Variants in METTL15 observed in about 807,000 individuals in gnomAD.
METTL15 encodes methyltransferase 15, mitochondrial 12S rRNA N4-cytidine, also known as 12S rRNA N(4)-cytidine methyltransferase METTL15.
Under a neutral mutation model 38.3 loss-of-function variants are expected in METTL15, and 34 were observed. The ratio of observed to expected loss-of-function variants is 0.89; its 90% CI spans 0.68 to 1.18. The LOEUF (loss-of-function observed/expected upper bound fraction) is 1.18. Among genes scored for constraint, METTL15 ranks in the 50% most tolerant of loss-of-function variants. METTL15 has a pLI of 0.00. For missense variants in METTL15, 438 were observed against 498.4 expected (o/e 0.88, Z 1.15); for synonymous variants, 162 against 170.9 (o/e 0.95, Z 0.41).
chr11:28,247,426 T>G (rs1308592105), intron 4 of METTL15, among the ~76,000 whole-genome samples: 1 of 152,140 alleles, frequency 6.6e-6, no homozygotes, highest in Non-Finnish European at 1.5e-5. Flanking sequence ...TGACTGATTT[T>G]CATAATTCCT....
At chr11:28,245,067 G>GTCTTAAT (rs1360636245) in intron 4 of METTL15, among the ~76,000 whole-genome samples, 1 of 152,164 alleles carries the variant, frequency 6.6e-6, no homozygotes, top group Non-Finnish European at 1.5e-5. Flanking sequence ...GACAGGCAAT[G>GTCTTAAT]TCTTAATTCT....
chr11:28,484,946 A>G (rs1851426515), intron 6 of METTL15, among the ~76,000 whole-genome samples: 1 of 152,130 alleles, frequency 6.6e-6, no homozygotes, highest in Non-Finnish European at 1.5e-5. Flanking sequence ...TGAATCAGGT[A>G]TATCTGATGG....
At chr11:28,355,847 A>G (rs980087051) in intron 4 of METTL15, among the ~76,000 whole-genome samples, 35 of 152,190 alleles carry the variant, frequency 2.3e-4, no homozygotes, top group African/African-American at 8.4e-4. Context: ...ATAAAATAAT[A>G]TATATCATTG....
chr11:28,505,317 C>G (rs1851619534), intron 6 of METTL15, among the ~76,000 whole-genome samples: 2 of 152,190 alleles, frequency 1.3e-5, no homozygotes, highest in South Asian at 2.1e-4. Context: ...GGAAACTCAT[C>G]AAGTAGCTGG....
chr11:28,398,021 T>C (rs539895742), intron 5 of METTL15, among the ~76,000 whole-genome samples: 2 of 151,154 alleles, frequency 1.3e-5, no homozygotes, highest in Non-Finnish European at 2.9e-5. Flanking sequence ...TTCTCACTCA[T>C]AGATGGGAAT....
chr11:28,441,046 A>G (rs1001036270), intron 6 of METTL15, among the ~76,000 whole-genome samples: 1 of 125,034 alleles, frequency 8.0e-6, no homozygotes, highest in Non-Finnish European at 1.6e-5. Flanking sequence ...GTTGGCTTTT[A>G]CTTATGACAC....
At position 28,122,238 on chromosome 11, in the gene METTL15, G is replaced by T. The variant is rs1852273977; in HGVS notation, c.270+8634G>T. On this transcript the variant is annotated intron_variant, in intron 3 of 6. Transcript: ENST00000407364. ...TTATGGATTATATTTTTTATAAAAT[G>T]CTTTGTTCATATCATGTTATAAAAT... The T allele has an allele frequency of 6.1e-6, 7 of 1,147,396 alleles. No homozygotes were observed. In the South Asian group the frequency reaches 9.2e-5, roughly 15 times the overall value. 71.1% of individuals were successfully genotyped at this position (1,147,396 alleles called of 1,614,324 possible).
intron 5 of METTL15, among the ~76,000 whole-genome samples, chr11:28,381,787 T>G (rs545749452): frequency 6.6e-6 from 1 of 152,206 alleles, no homozygotes; most frequent in Non-Finnish European, 1.5e-5. Context: ...TGGAAATCAC[T>G]GAGCTTCCTT....
intron 4 of METTL15, among the ~76,000 whole-genome samples, chr11:28,225,280 T>G (rs1412087135): frequency 6.6e-6 from 1 of 151,842 alleles, no homozygotes; most frequent in African/African-American, 2.4e-5. Flanking sequence ...CTACTAGCCT[T>G]TTTATAATAT....
chr11:28,427,362 T>C (rs1229869357), intron 6 of METTL15, among the ~76,000 whole-genome samples: 1 of 152,182 alleles, frequency 6.6e-6, no homozygotes, highest in Non-Finnish European at 1.5e-5. Context: ...TGAAATCAGG[T>C]AGTGTGATGC....
chr11:28,494,257 A>C (rs1046898280), intron 6 of METTL15, among the ~76,000 whole-genome samples: 1 of 152,154 alleles, frequency 6.6e-6, no homozygotes, highest in Non-Finnish European at 1.5e-5. Flanking sequence ...TCTATTCACC[A>C]CCAACCCACT....
intron 6 of METTL15, among the ~76,000 whole-genome samples, chr11:28,442,203 A>G (rs1012410384): frequency 5.3e-5 from 8 of 152,230 alleles, no homozygotes; most frequent in Admixed American, 4.6e-4. Context: ...TCCAAAATGC[A>G]CTGACTATAG....
At chr11:28,278,569 T>C (rs1855929255) in intron 4 of METTL15, among the ~76,000 whole-genome samples, 1 of 152,130 alleles carries the variant, frequency 6.6e-6, no homozygotes, top group South Asian at 2.1e-4. Flanking sequence ...GAAGAATTCT[T>C]CCATTTTAAA....
intron 4 of METTL15, among the ~76,000 whole-genome samples, chr11:28,229,152 T>C (rs1008481437): frequency 6.6e-6 from 1 of 152,014 alleles, no homozygotes; most frequent in Non-Finnish European, 1.5e-5. Context: ...TAATAAATGT[T>C]AGTTATAATT....
At chr11:28,315,604 C>A (rs1350639077) in intron 6 of METTL15, among the ~76,000 whole-genome samples, 2 of 152,152 alleles carry the variant, frequency 1.3e-5, no homozygotes, top group African/African-American at 2.4e-5. Context: ...TAAGGAGAAG[C>A]CAATCCCCAA....
chr11:28,238,419 G>T (rs1854123956), intron 4 of METTL15, among the ~76,000 whole-genome samples: 1 of 152,208 alleles, frequency 6.6e-6, no homozygotes, highest in Non-Finnish European at 1.5e-5. Context: ...CCAGGTGTGG[G>T]TTATAATCTC....
At chr11:28,394,235 A>C (rs900251002) in intron 5 of METTL15, among the ~76,000 whole-genome samples, 1 of 152,118 alleles carries the variant, frequency 6.6e-6, no homozygotes, top group Admixed American at 6.6e-5. Context: ...GCTCTATGAC[A>C]TATAAGAGTT....
At chr11:28,249,956 A>G (rs1182789392) in intron 4 of METTL15, among the ~76,000 whole-genome samples, 2 of 151,922 alleles carry the variant, frequency 1.3e-5, no homozygotes, top group Admixed American at 6.6e-5. Context: ...CTCCCACTTG[A>G]AAGTAAGAAC....
chr11:28,402,309 T>C (rs1564921233), intron 5 of METTL15, among the ~76,000 whole-genome samples: 2 of 152,036 alleles, frequency 1.3e-5, no homozygotes, highest in Admixed American at 6.6e-5. Context: ...GTCTCCTAGC[T>C]GATCCCCTTG....
Sources: allele counts gnomAD v4.1 joint callset (sites outside exome capture counted in the v4.1 genomes callset), GRCh38; gene constraint gnomAD v4.1.1; transcripts MANE v1.5; gene names NCBI Gene and HGNC (gene_info 2026-07-23, HGNC 2026-07-21).